The following DDX24 variants were observed in gnomAD, a reference collection of about 807,000 sequenced individuals.
The protein encoded by DDX24 is DEAD-box helicase 24, also known as ATP-dependent RNA helicase DDX24.
A neutral mutation model predicts 68.9 loss-of-function variants in DDX24; 24 were observed. The ratio of observed to expected loss-of-function variants is 0.35; its 90% CI spans 0.25 to 0.49. DDX24 has a LOEUF of 0.49. Ranked by LOEUF, DDX24 falls within the 20% of genes least tolerant of loss-of-function variation. The probability of loss-of-function intolerance (pLI) is 0.99; values close to 1 mark genes in which losing one functional copy is unlikely to be tolerated. For missense variants in DDX24, 989 were observed against 1,039.0 expected (o/e 0.95, Z 0.66); for synonymous variants, 395 against 385.2 (o/e 1.03, Z -0.30).
At position 94,079,060 on chromosome 14, in the gene DDX24, C is replaced by T. The variant is rs764925566; in HGVS notation, c.683G>A (p.Arg228His). Residue 228 changes from arginine to histidine, a missense_variant, in exon 2 of 9, where the codon CGT becomes CAT. Physicochemically the swap from Arg to His is conservative, Grantham distance 29. This residue lies in a region of DDX24 where 295 missense variants were observed against 263.0 expected (regional missense o/e 1.12). Transcript: ENST00000621632. ...IQALTLAPAIRDKLDILGAAE... is the reference protein window; with the variant it reads ...IQALTLAPAIHDKLDILGAAE... ...AGCCCCAAGGATGTCCAGTTTGTCA[C>T]GGATGGCAGGTGCCAAGGTCAGGGC... 8.1e-6 allele frequency: 13 copies of T among 1,613,916 alleles called. No individual in the cohort carries two copies. Among genetic ancestry groups the T allele is most frequent in the East Asian group, 2.2e-5 (1 of 44,902 alleles).
intron 5 of DDX24, 91 bp downstream of exon 5, chr14:94,060,007 G>A (rs1885561706): frequency 2.1e-6 from 3 of 1,451,008 alleles, no homozygotes; most frequent in Admixed American, 2.3e-5. Flanking sequence ...TATGACAGAA[G>A]GTGGCTTTTC....
intron 5 of DDX24, among the ~76,000 whole-genome samples, chr14:94,058,879 G>A (rs980473648): frequency 2.6e-5 from 4 of 152,168 alleles, no homozygotes; most frequent in Admixed American, 1.3e-4. Flanking sequence ...CAACTCTGCC[G>A]CAAAAGAGGA....
At chr14:94,059,968 A>G in intron 5 of DDX24, 130 bp downstream of exon 5, 1 of 1,151,366 alleles carries the variant, frequency 8.7e-7, no homozygotes. Flanking sequence ...AAAAAAAAAA[A>G]AGGCTACCTA....
chr14:94,053,223 G>A, intron 7 of DDX24, 96 bp from the exon 8 acceptor site: 1 of 1,530,402 alleles, frequency 6.5e-7, no homozygotes, highest in South Asian at 1.2e-5. Flanking sequence ...TTTAAGGCAG[G>A]TATCACTCTG....
Position 94,060,251 on chromosome 14 carries a change from G to A in DDX24, c.1760C>T (p.Pro587Leu). The A allele has an allele frequency of 6.2e-7, 1 of 1,614,180 alleles. No individual in the cohort carries two copies. The highest frequency in any genetic ancestry group is 8.5e-7 in the Non-Finnish European group (1 of 1,180,042). ...FYLYYFLMQY[P>L]GRSLVFANSI... ...GTTGGCAAACACTAAGCTGCGGCCT[G>A]GATACTGCATCAGGAAGTAGTACAA... Residue 587 changes from proline (P) to leucine (L), a missense_variant, in exon 5 of 9, where the codon CCA becomes CTA. Coordinates refer to ENST00000621632, the MANE Select transcript of DDX24 (RefSeq NM_020414.4).
intron 1 of DDX24, among the ~76,000 whole-genome samples, chr14:94,080,694 G>A (rs1486562692): frequency 6.6e-6 from 1 of 151,126 alleles, no homozygotes; most frequent in Non-Finnish European, 1.5e-5. Context: ...CTGCGCCACG[G>A]CAAAAAAACA....
At chr14:94,070,778 A>G (rs10150875) in intron 2 of DDX24, among the ~76,000 whole-genome samples, 4,769 of 152,342 alleles carry the variant, frequency 0.031, 193 homozygotes, top group East Asian at 0.097. Context: ...TGTTTTCAAC[A>G]AATGGTGCCG....
intron 5 of DDX24, 71 bp downstream of exon 5, chr14:94,060,027 C>T: frequency 2.0e-6 from 3 of 1,502,186 alleles, no homozygotes. Context: ...CTACCATTTC[C>T]CCACCATCCT....
At chr14:94,056,475 T>C (rs1885494523) in intron 6 of DDX24, 1 of 152,236 alleles carries the variant, frequency 6.6e-6, no homozygotes, top group Admixed American at 6.5e-5. Flanking sequence ...GCTGAATATG[T>C]GGACATTCCT....
Position 94,060,998 on chromosome 14 carries a change from G to C in DDX24, c.1312C>G (p.Pro438Ala), listed in dbSNP as rs755584756. The C allele has an allele frequency of 5.0e-6, 8 of 1,614,178 alleles. No homozygotes were observed. The East Asian group carries it at 1.1e-4, about 22-fold the overall frequency. ...QKQQRMLNRR[P>A]EIVVATPGRL... ...CCTGGAGTAGCAACCACAATCTCAG[G>C]ACGACGGTTCAGCATCCTCTGCTGT... The change falls in exon 4 of 9, where the codon CCT becomes GCT. Residue 438 changes from proline (P) to alanine (A), a missense_variant. Around this residue, in one of 3 missense-constraint regions of DDX24, gnomAD observed 691 missense variants for 760.0 expected, o/e 0.91. Coordinates refer to ENST00000621632, the MANE Select transcript of DDX24 (RefSeq NM_020414.4).
At chr14:94,065,384 G>GACACACACACACACACACACAC (rs58390384) in intron 2 of DDX24, among the ~76,000 whole-genome samples, 6,909 of 147,080 alleles carry the variant, frequency 0.047, 194 homozygotes, top group South Asian at 0.059. Flanking sequence ...CTCTCTCTCT[G>GACACACACACACACACACACAC]ACACACACAC....
At position 94,063,181 on chromosome 14, in the gene DDX24, T is replaced by C. The variant is rs534341559; in HGVS notation, c.719-560A>G. Among the ~76,000 whole-genome samples the C allele has an allele frequency of 4.3e-4, 65 of 152,330 alleles. 1 individual carries two copies. The highest frequency in any genetic ancestry group is 1.5e-3 in the African/African-American group (63 of 41,582). On this transcript the variant is annotated intron_variant, in intron 2 of 8. Coordinates refer to ENST00000621632, the MANE Select transcript of DDX24 (RefSeq NM_020414.4). ...GCCCTAGGCAGAAGCCAATAAATGC[T>C]TTCTCAAGGGAGAAACCATTACCAT...
At position 94,060,788 on chromosome 14, in the gene DDX24, C is replaced by T. The variant is rs1885580880; in HGVS notation, c.1397+125G>A. The T allele has an allele frequency of 4.0e-6, 6 of 1,487,020 alleles. No homozygotes were observed. The South Asian group carries it at 6.7e-5, about 17-fold the overall frequency. The allele number at this position is 1,487,020 out of a possible 1,614,324, so 92.1% of individuals were successfully genotyped here. A position where few individuals can be genotyped will look rare whatever the true frequency, so the allele number is the denominator to read the frequency against. ...TCATGCACTCTTGGCTTTCTAAAGGCCAGGGTCTGGATGATACCACACCAT... is the reference window on the plus strand; with the variant it reads ...TCATGCACTCTTGGCTTTCTAAAGGTCAGGGTCTGGATGATACCACACCAT... On this transcript the variant is annotated intron_variant, in intron 4 of 8. Coordinates refer to ENST00000621632, the MANE Select transcript of DDX24 (RefSeq NM_020414.4).
At position 94,062,289 on chromosome 14, in the gene DDX24, G is replaced by C. The variant is rs781711019; in HGVS notation, c.1051C>G (p.Pro351Ala). The change falls in exon 3 of 9, where the codon CCC (proline) becomes GCC (alanine). Residue 351 changes from proline to alanine, a missense_variant. This residue lies in a region of DDX24 where 691 missense variants were observed against 760.0 expected (regional missense o/e 0.91). Transcript: ENST00000621632. ...PSSLIREKPV[P>A]KQNENEEENL... ...TCCTCCTCATTCTCATTCTGTTTGG[G>C]AACAGGTTTCTCCCTGATCAGGGAA... 6.2e-7 allele frequency: 1 copy of C among 1,614,116 alleles called. No individual in the cohort carries two copies. Among genetic ancestry groups the C allele is most frequent in the Admixed American group, 1.7e-5 (1 of 60,028 alleles).
At chr14:94,071,959 T>C (rs1885840858) in intron 2 of DDX24, among the ~76,000 whole-genome samples, 2 of 150,980 alleles carry the variant, frequency 1.3e-5, no homozygotes, top group South Asian at 2.1e-4. Flanking sequence ...AAAAAAACAA[T>C]GTTGGCATGG....
At position 94,060,800 on chromosome 14, in the gene DDX24, T is replaced by A. The variant is rs898483031; in HGVS notation, c.1397+113A>T. The stretch of plus-strand genomic sequence containing the variant: ...GGCTTTCTAAAGGCCAGGGTCTGGA[T>A]GATACCACACCATAGCATTCTGCGA... On this transcript the variant is annotated intron_variant, in intron 4 of 8. Coordinates refer to ENST00000621632, the MANE Select transcript of DDX24 (RefSeq NM_020414.4). 4.7e-6 allele frequency: 7 copies of A among 1,501,912 alleles called. No homozygotes were observed. In the African/African-American group the frequency reaches 9.7e-5, roughly 21 times the overall value. 93.0% of individuals were successfully genotyped at this position (1,501,912 alleles called of 1,614,324 possible). A position where few individuals can be genotyped will look rare whatever the true frequency, so the allele number is the denominator to read the frequency against.
At chr14:94,080,722 A>C (rs977865203) in intron 1 of DDX24, among the ~76,000 whole-genome samples, 1 of 145,918 alleles carries the variant, frequency 6.9e-6, no homozygotes, top group African/African-American at 2.5e-5. Context: ...AACAAAAAAA[A>C]ACACAAAGAA....
intron 5 of DDX24, among the ~76,000 whole-genome samples, chr14:94,059,376 C>T (rs1467258612): frequency 1.3e-5 from 2 of 152,172 alleles, no homozygotes; most frequent in African/African-American, 2.4e-5. Flanking sequence ...CTCTGAGGTC[C>T]GACAGGCTTG....
Position 94,062,157 on chromosome 14 carries a change from G to T in DDX24, c.1183C>A (p.Pro395Thr), listed in dbSNP as rs1885609283. 1 of 1,614,106 alleles carries T rather than the reference G, an allele frequency of 6.2e-7. No homozygotes were observed. Among genetic ancestry groups the T allele is most frequent in the African/African-American group, 1.3e-5 (1 of 75,026 alleles). Reference protein sequence around the residue: ...KRPLLGLVLTPTRELAVQVKQ... With the variant: ...KRPLLGLVLTTTRELAVQVKQ... Reference sequence around the variant, plus strand: ...ACCTGGACGGCCAGCTCTCGAGTGGGAGTCAGAACCAGTCCAAGCAGAGGA... The same window carrying T: ...ACCTGGACGGCCAGCTCTCGAGTGGTAGTCAGAACCAGTCCAAGCAGAGGA... The change falls in exon 3 of 9, where the codon CCC becomes ACC. Residue 395 changes from proline (P) to threonine (T), a missense_variant. Around this residue, in one of 3 missense-constraint regions of DDX24, gnomAD observed 691 missense variants for 760.0 expected, o/e 0.91. Coordinates refer to ENST00000621632, the MANE Select transcript of DDX24 (RefSeq NM_020414.4).
Sources: gnomAD v4.1 joint callset for allele counts (sites outside exome capture counted in the v4.1 genomes callset) on GRCh38, gnomAD v4.1.1 for gene constraint, gnomAD v4.1.1 regional missense constraint, MANE v1.5 for transcripts, NCBI Gene and HGNC (gene_info 2026-07-23, HGNC 2026-07-21) for gene names.